The following PCDH9 variants were observed in gnomAD, a reference collection of about 807,000 sequenced individuals.
PCDH9 encodes protocadherin-9.
In PCDH9, 24 loss-of-function variants were observed where a neutral mutation model predicts 70.6. That is an observed-to-expected ratio of 0.34 (90% CI 0.25 to 0.48). PCDH9 has a LOEUF of 0.48. PCDH9 is among the 20% of genes least tolerant of loss of function. The pLI, the probability that PCDH9 is intolerant of heterozygous loss-of-function variation, is 0.99. For synonymous variants in PCDH9, 562 were observed against 558.5 expected (o/e 1.01, Z -0.09); for missense variants, 1,281 against 1,503.6 (o/e 0.85, Z 2.45).
chr13:66,569,451 T>C (rs7318797), intron 4 of PCDH9, among the ~76,000 whole-genome samples: 52,589 of 152,040 alleles, frequency 0.35, 9,592 homozygotes, highest in African/African-American at 0.46. Flanking sequence ...GTGTACAATA[T>C]ATACAATTAT....
At chr13:66,797,437 T>G (rs545176293) in intron 3 of PCDH9, among the ~76,000 whole-genome samples, 2 of 152,330 alleles carry the variant, frequency 1.3e-5, no homozygotes, top group Non-Finnish European at 2.9e-5. Context: ...TGTTCATCTT[T>G]GTCTGCTTTA....
intron 4 of PCDH9, among the ~76,000 whole-genome samples, chr13:66,518,747 C>T (rs1231602844): frequency 6.6e-6 from 1 of 152,046 alleles, no homozygotes; most frequent in Non-Finnish European, 1.5e-5. Flanking sequence ...GTTTGACTTG[C>T]GCTACTCCAA....
intron 4 of PCDH9, among the ~76,000 whole-genome samples, chr13:66,508,731 A>T (rs1426389686): frequency 6.6e-6 from 1 of 152,240 alleles, no homozygotes; most frequent in African/African-American, 2.4e-5. Context: ...ATTCATTCCT[A>T]CTATCTTGCA....
intron 2 of PCDH9, among the ~76,000 whole-genome samples, chr13:67,082,380 A>C (rs760558076): frequency 2.0e-5 from 3 of 152,176 alleles, no homozygotes; most frequent in Non-Finnish European, 4.4e-5. Context: ...CATTTAGCAT[A>C]ATGTCTTCCA....
intron 2 of PCDH9, among the ~76,000 whole-genome samples, chr13:67,044,979 C>T (rs1188601756): frequency 1.3e-5 from 2 of 152,096 alleles, no homozygotes; most frequent in Non-Finnish European, 2.9e-5. Flanking sequence ...GCAGAGATTG[C>T]ACAAACATAG....
At chr13:67,090,697 G>A (rs1454689989) in intron 2 of PCDH9, among the ~76,000 whole-genome samples, 7 of 151,826 alleles carry the variant, frequency 4.6e-5, no homozygotes, top group Admixed American at 3.9e-4. Context: ...AAATCATTAA[G>A]CATATCAGAA....
rs1187084841 is a variant in PCDH9, at chr13:66,852,198, T to C, written c.3138+51306A>G. On this transcript the variant is annotated intron_variant, in intron 3 of 4. Coordinates refer to ENST00000377865, the MANE Select transcript of PCDH9 (RefSeq NM_203487.3). ...TAATCCTCAATCCATAGTAGCTCTA[T>C]ATGCTGATAACTATTATAATATTGA... Among the ~76,000 whole-genome samples the C allele has an allele frequency of 6.6e-5, 10 of 152,196 alleles. No homozygotes were observed. In the East Asian group the frequency reaches 7.7e-4, roughly 12 times the overall value.
In PCDH9 at chr13:67,122,177, G is replaced by A. The variant is rs187714640; in HGVS notation, c.3036+103228C>T. ...AGCATTCTCCTCACATGGTAGAGAC[G>A]CCTGAGAAAGGAAACAATATCTTTT... On this transcript the variant is annotated intron_variant, in intron 2 of 4. Coordinates refer to ENST00000377865, the MANE Select transcript of PCDH9 (RefSeq NM_203487.3). Among the ~76,000 whole-genome samples the A allele has an allele frequency of 1.5e-3, 226 of 152,202 alleles. 1 individual carries two copies. In the Middle Eastern group the frequency reaches 0.017, roughly 11 times the overall value.
intron 4 of PCDH9, among the ~76,000 whole-genome samples, chr13:66,619,267 C>A (rs2077394167): frequency 6.6e-6 from 1 of 152,006 alleles, no homozygotes; most frequent in African/African-American, 2.4e-5. Context: ...AGCATAACTG[C>A]TTTTAAGAAA....
At chr13:67,104,552 A>T (rs2086496723) in intron 2 of PCDH9, among the ~76,000 whole-genome samples, 2 of 146,312 alleles carry the variant, frequency 1.4e-5, no homozygotes, top group Non-Finnish European at 3.0e-5. Flanking sequence ...TTGTTATACA[A>T]TTTTTTTTTT....
At chr13:66,564,862 AG>A (rs901717765) in intron 4 of PCDH9, among the ~76,000 whole-genome samples, 1 of 119,638 alleles carries the variant, frequency 8.4e-6, no homozygotes, top group Non-Finnish European at 1.8e-5. Context: ...CACATAATGT[AG>A]GGTTTTTTTT....
At chr13:66,316,086 T>G (rs1482584892) in intron 4 of PCDH9, among the ~76,000 whole-genome samples, 1 of 152,106 alleles carries the variant, frequency 6.6e-6, no homozygotes, top group Non-Finnish European at 1.5e-5. Context: ...GACATGTGAC[T>G]CCTCCCTCTA....
At chr13:66,698,177 T>C (rs903734860) in intron 3 of PCDH9, among the ~76,000 whole-genome samples, 2 of 152,162 alleles carry the variant, frequency 1.3e-5, no homozygotes, top group Admixed American at 6.5e-5. Context: ...GTTTGGGTAA[T>C]GGAAAAGTTC....
intron 2 of PCDH9, among the ~76,000 whole-genome samples, chr13:67,187,457 T>C (rs2088788036): frequency 6.6e-6 from 1 of 152,148 alleles, no homozygotes; most frequent in Admixed American, 6.6e-5. Context: ...CAGTTTCTAT[T>C]TCCAGTAGAA....
At chr13:66,943,172 G>A (rs1323912) in intron 2 of PCDH9, among the ~76,000 whole-genome samples, 150,952 of 152,146 alleles carry the variant, frequency 0.99, 74,892 homozygotes, top group East Asian at 1. Flanking sequence ...ACCTTCATAT[G>A]CAATATTACG....
chr13:66,926,042 C>A (rs1034280770), intron 2 of PCDH9, among the ~76,000 whole-genome samples: 11 of 151,896 alleles, frequency 7.2e-5, no homozygotes, highest in Non-Finnish European at 1.3e-4. Flanking sequence ...TTTCACATTG[C>A]ATTTGACTCC....
At chr13:66,854,985 T>A (rs781470699) in intron 3 of PCDH9, among the ~76,000 whole-genome samples, 150 of 152,088 alleles carry the variant, frequency 9.9e-4, no homozygotes, top group Non-Finnish European at 9.7e-4. Flanking sequence ...TGAGGTGACT[T>A]TATAGAACAT....
chr13:66,446,546 G>A (rs1958093412), intron 4 of PCDH9, among the ~76,000 whole-genome samples: 1 of 152,020 alleles, frequency 6.6e-6, no homozygotes. Flanking sequence ...AAAGATCCAT[G>A]CTACATATGA....
At chr13:66,557,562 C>T (rs1157028062) in intron 4 of PCDH9, among the ~76,000 whole-genome samples, 1 of 152,160 alleles carries the variant, frequency 6.6e-6, no homozygotes, top group Admixed American at 6.5e-5. Flanking sequence ...ATTTATATTG[C>T]TTTCTCTTCG....
Sources: allele counts gnomAD v4.1 joint callset (sites outside exome capture counted in the v4.1 genomes callset), GRCh38; gene constraint gnomAD v4.1.1; transcripts MANE v1.5; gene names NCBI Gene and HGNC (gene_info 2026-07-23, HGNC 2026-07-21).